CLVS1: variants seen among roughly 807,000 people sequenced by gnomAD.
CLVS1 encodes the protein clavesin-1.
A neutral mutation model predicts 33.1 loss-of-function variants in CLVS1; 10 were observed. That is an observed-to-expected ratio of 0.30 (90% CI 0.19 to 0.51). The LOEUF (loss-of-function observed/expected upper bound fraction) is 0.51. Among genes scored for constraint, CLVS1 ranks in the 20% least tolerant of loss-of-function variants. The pLI is 0.97. For missense variants in CLVS1, 343 were observed against 433.4 expected (o/e 0.79, Z 1.85); for synonymous variants, 163 against 166.1 (o/e 0.98, Z 0.14).
chr8:61,255,343 G>C (rs947498913), intron 2 of CLVS1, among the ~76,000 whole-genome samples: 5 of 151,734 alleles, frequency 3.3e-5, no homozygotes, highest in African/African-American at 1.2e-4. Context: ...CACATTACCA[G>C]ACTTCTCTTT....
chr8:61,028,500 AAGTATTGAG>A, the CLVS1 span, among the ~76,000 whole-genome samples: 1 of 152,200 alleles, frequency 6.6e-6, no homozygotes, highest in Non-Finnish European at 1.5e-5. Context: ...CTAGGCATTA[AAGTATTGAG>A]AGTAGTAGCA....
At chr8:61,236,348 G>A (rs1008460519) in intron 2 of CLVS1, among the ~76,000 whole-genome samples, 1 of 152,166 alleles carries the variant, frequency 6.6e-6, no homozygotes, top group Non-Finnish European at 1.5e-5. Flanking sequence ...AAAGATGAAC[G>A]TGTTCAGCTC....
At chr8:61,477,242 A>G (rs1410509729) in intron 5 of CLVS1, among the ~76,000 whole-genome samples, 1 of 152,130 alleles carries the variant, frequency 6.6e-6, no homozygotes, top group Non-Finnish European at 1.5e-5. Context: ...CATCAAGGAT[A>G]TTGGTCTAAA....
chr8:61,488,896 G>T lies in CLVS1; in HGVS notation c.978-10559G>T, dbSNP rs78493331. ...CCCATCTGCAAGTTCCAGGATGGGT[G>T]TGTCTTCTGGCAGCTGAACTGTGTT... On this transcript the variant is annotated intron_variant, in intron 5 of 5. Coordinates refer to ENST00000325897, the MANE Select transcript of CLVS1 (RefSeq NM_173519.3). Among the ~76,000 whole-genome samples the T allele has an allele frequency of 5.8e-3, 887 of 152,284 alleles. 7 individuals are homozygous for T. The highest frequency in any genetic ancestry group is 8.9e-3 in the Non-Finnish European group (606 of 68,016).
At chr8:61,477,750 C>A (rs1057427066) in intron 5 of CLVS1, among the ~76,000 whole-genome samples, 3 of 152,146 alleles carry the variant, frequency 2.0e-5, no homozygotes, top group Admixed American at 6.5e-5. Flanking sequence ...AAAAAACCAG[C>A]TCCTGGATTC....
intron 2 of CLVS1, among the ~76,000 whole-genome samples, chr8:61,167,607 C>T (rs1161507128): frequency 1.3e-5 from 2 of 152,186 alleles, no homozygotes; most frequent in East Asian, 1.9e-4. Flanking sequence ...ACAGCAACTC[C>T]GTCTTGAATA....
chr8:61,467,444 C>T (rs940081138), intron 5 of CLVS1, among the ~76,000 whole-genome samples: 5 of 152,158 alleles, frequency 3.3e-5, no homozygotes, highest in South Asian at 2.1e-4. Context: ...AAAGGGGGGA[C>T]TCTGAAAAGC....
At chr8:61,383,256 T>G (rs1380677419) in intron 3 of CLVS1, among the ~76,000 whole-genome samples, 2 of 152,234 alleles carry the variant, frequency 1.3e-5, no homozygotes, top group African/African-American at 4.8e-5. Context: ...TCATGTGGTG[T>G]GATCATTTTA....
At chr8:61,329,485 G>A (rs752759935) in intron 2 of CLVS1, among the ~76,000 whole-genome samples, 1 of 151,986 alleles carries the variant, frequency 6.6e-6, no homozygotes, top group South Asian at 2.1e-4. Context: ...TTAATCAGTT[G>A]GACATTTCAA....
chr8:61,172,162 C>T (rs1005917858), intron 2 of CLVS1, among the ~76,000 whole-genome samples: 1 of 152,086 alleles, frequency 6.6e-6, no homozygotes, highest in Non-Finnish European at 1.5e-5. Flanking sequence ...TTTCGTTAAC[C>T]ACTGCATCTT....
chr8:61,234,234 T>A (rs527923537), intron 2 of CLVS1, among the ~76,000 whole-genome samples: 15 of 152,130 alleles, frequency 9.9e-5, no homozygotes, highest in Non-Finnish European at 2.1e-4. Flanking sequence ...CTGGATCTTG[T>A]CCTTGGCTTG....
the CLVS1 span, among the ~76,000 whole-genome samples, chr8:60,991,744 C>CTT: frequency 8.6e-4 from 102 of 118,954 alleles, no homozygotes; most frequent in Admixed American, 1.2e-3. Context: ...AAGCCCCACT[C>CTT]TTTTTTTTTT....
chr8:60,981,774 T>C, the CLVS1 span, among the ~76,000 whole-genome samples: 1 of 152,180 alleles, frequency 6.6e-6, no homozygotes, highest in Non-Finnish European at 1.5e-5. Context: ...TGGAGTCCTG[T>C]CTGCCGGGAG....
At chr8:61,184,010 A>C (rs2129301180) in intron 2 of CLVS1, among the ~76,000 whole-genome samples, 1 of 152,300 alleles carries the variant, frequency 6.6e-6, no homozygotes, top group Non-Finnish European at 1.5e-5. Flanking sequence ...ACTTCCAAGA[A>C]AATCAGCTAC....
chr8:61,125,287 C>T (rs1276809809), intron 1 of CLVS1, among the ~76,000 whole-genome samples: 7 of 152,100 alleles, frequency 4.6e-5, no homozygotes, highest in East Asian at 1.9e-4. Context: ...TCCTCCATGG[C>T]GCAGCAGTGC....
the CLVS1 span, among the ~76,000 whole-genome samples, chr8:61,004,968 A>C: frequency 6.6e-6 from 1 of 151,918 alleles, no homozygotes; most frequent in African/African-American, 2.4e-5. Flanking sequence ...AAAACAAAAC[A>C]AAACCCTCCT....
chr8:61,278,177 A>T (rs1486145689), intron 2 of CLVS1, among the ~76,000 whole-genome samples: 1 of 152,220 alleles, frequency 6.6e-6, no homozygotes, highest in East Asian at 1.9e-4. Context: ...CTTCAGCTCA[A>T]CAGTCCTTCA....
intron 2 of CLVS1, among the ~76,000 whole-genome samples, chr8:61,168,309 A>G (rs1806923116): frequency 6.6e-6 from 1 of 152,248 alleles, no homozygotes; most frequent in Non-Finnish European, 1.5e-5. Flanking sequence ...TCTAGCCTTG[A>G]CAGGCTTTTA....
chr8:61,246,167 C>CT (rs1188366643), intron 2 of CLVS1, among the ~76,000 whole-genome samples: 1,546 of 82,128 alleles, frequency 0.019, 300 homozygotes, highest in African/African-American at 0.026. Flanking sequence ...TCCTTCCCAA[C>CT]TTTTTTTTTT....
Sources: gnomAD v4.1 joint callset for allele counts (sites outside exome capture counted in the v4.1 genomes callset) on GRCh38, gnomAD v4.1.1 for gene constraint, MANE v1.5 for transcripts, NCBI Gene and HGNC (gene_info 2026-07-23, HGNC 2026-07-21) for gene names.